The following DGKQ variants were observed in gnomAD, a reference collection of about 807,000 sequenced individuals.
The protein encoded by DGKQ is DAG kinase theta.
Under a neutral mutation model 104.2 loss-of-function variants are expected in DGKQ, and 97 were observed. The ratio of observed to expected loss-of-function variants is 0.93; its 90% confidence interval spans 0.79 to 1.10. The LOEUF (loss-of-function observed/expected upper bound fraction) is 1.10. DGKQ is among the 50% of genes least tolerant of loss of function. DGKQ has a pLI of 0.00. For missense variants in DGKQ, 1,465 were observed against 1,352.1 expected (o/e 1.08, Z -1.31); for synonymous variants, 736 against 595.2 (o/e 1.24, Z -3.44).
chr4:963,003 C>G (rs1712006187), intron 16 of DGKQ, 83 bp from the exon 17 acceptor site: 1 of 1,526,138 alleles, frequency 6.6e-7, no homozygotes. Context: ...AGTGCCCGTC[C>G]TGGCCGTGTG....
chr4:968,967 C>A, intron 2 of DGKQ, 57 bp from the exon 3 acceptor site: 1 of 1,141,210 alleles, frequency 8.8e-7, no homozygotes, highest in Non-Finnish European at 1.2e-6. Context: ...TGCCCGCCAC[C>A]CCTCCTCGCT....
rs1301828632 is a variant in DGKQ at position 960,039 on chromosome 4, C to T, written c.*581G>A. 1 of 153,314 alleles carries T rather than the reference C, an allele frequency of 6.5e-6. No individual in the cohort carries two copies. The allele number at this position is 153,314 out of a possible 1,614,324, so 9.5% of individuals were successfully genotyped here. ...AACAAGGGAAGGCACCTTCTCCCTT[C>T]CCTGAACACAAGGAAGTCACCAGTC... On this transcript the variant is annotated 3_prime_UTR_variant, in exon 23 of 23. Transcript: ENST00000273814.
rs2153009340 is a variant in DGKQ at position 965,985 on chromosome 4, G to A, written c.1522C>T (p.Pro508Ser). ...CTGTACTCCTCGGGAGACAGGCCGG[G>A]AGGCAGGCCGCCAACAAACAGGGAG... ...HVSLFVGGLP[P>S]GLSPEEYSSL... is the part of the protein sequence containing the mutation. The change falls in exon 13 of 23, where the codon CCC becomes TCC. Residue 508 changes from proline to serine, a missense_variant. Transcript: ENST00000273814. The A allele has an allele frequency of 6.2e-7, 1 of 1,605,396 alleles. No individual in the cohort carries two copies. The highest frequency in any genetic ancestry group is 2.2e-5 in the East Asian group (1 of 44,606).
chr4:968,323 C>CA lies in DGKQ; in HGVS notation c.621dup (p.Asp208Ter). The stretch of plus-strand genomic sequence containing the variant: ...TCGCAGCGCACGCCGGCCAGCACGT[C>CA]AGAGGAGCCGCACGTCTTCCTGCAG... On this transcript the variant is annotated frameshift_variant, in exon 5 of 23. Coordinates refer to ENST00000273814, the MANE Select transcript of DGKQ (RefSeq NM_001347.4). LOFTEE classifies it high-confidence loss of function. 6.5e-7 allele frequency: 1 copy of CA among 1,534,006 alleles called. No homozygotes were observed. Among genetic ancestry groups the CA allele is most frequent in the Non-Finnish European group, 8.7e-7 (1 of 1,144,278 alleles).
intron 19 of DGKQ, 45 bp from the exon 20 acceptor site, chr4:961,879 C>T: frequency 6.3e-7 from 1 of 1,596,568 alleles, no homozygotes; most frequent in Non-Finnish European, 8.5e-7. Flanking sequence ...AAGCCCTACC[C>T]CGCCTTAGGC....
Position 966,030 on chromosome 4 carries a change from T to C in DGKQ, c.1477A>G (p.Arg493Gly), listed in dbSNP as rs759161361. The change falls in exon 13 of 23, where the codon AGG becomes GGG. Residue 493 changes from arginine (R) to glycine (G), a missense_variant. Arg to Gly is a moderately radical substitution (Grantham distance 125, BLOSUM62 -2). Transcript: ENST00000273814. ...SQTRFYVAESRDVAPHVSLFV... is the reference protein window; with the variant it reads ...SQTRFYVAESGDVAPHVSLFV... ...AGGGAGACGTGCGGGGCTACATCCC[T>C]GCTCTCTGCCACGTAGAACCGCGTC... The C allele has an allele frequency of 4.4e-6, 7 of 1,604,664 alleles. No individual in the cohort carries two copies. Among genetic ancestry groups the C allele is most frequent in the African/African-American group, 2.7e-5 (2 of 74,872 alleles).
In DGKQ at chr4:966,471, G is replaced by T. The variant is rs746686910; in HGVS notation, c.1423C>A (p.Arg475=). Residue 475 remains arginine (R), a synonymous_variant, in exon 12 of 23, where the codon CGG becomes AGG. Transcript: ENST00000273814. ...CGGCGTCCACACCCACTCACCTGCC[G>T]GATGTCCTGTAGCCGGTCCAGCAGG... ...QPLLDRLQDI[R]QMSVRQVSQT... is the part of the protein sequence containing the mutation. The T allele has an allele frequency of 1.9e-6, 3 of 1,612,380 alleles. No homozygotes were observed. Among genetic ancestry groups the T allele is most frequent in the Middle Eastern group, 3.3e-4 (2 of 6,048 alleles).
In DGKQ at chr4:973,510, T is replaced by G; in HGVS notation, c.-28A>C. The stretch of plus-strand genomic sequence containing the variant: ...CCGGCCCGAGCGGCCCGAGCCCCTT[T>G]AGGTCCGCGCCGGGGGTACAGGAGC... On this transcript the variant is annotated 5_prime_UTR_variant, in exon 1 of 23. Transcript: ENST00000273814. The G allele has an allele frequency of 1.0e-6, 1 of 985,852 alleles. No individual in the cohort carries two copies. Among genetic ancestry groups the G allele is most frequent in the Non-Finnish European group, 1.2e-6 (1 of 830,616 alleles). 61.1% of individuals were successfully genotyped at this position (985,852 alleles called of 1,614,324 possible).
rs973933278 is a variant in DGKQ at position 967,767 on chromosome 4, C to T, written c.847G>A (p.Val283Met). The change falls in exon 7 of 23, where the codon GTG becomes ATG. Residue 283 changes from valine (V) to methionine (M), a missense_variant. Transcript: ENST00000273814. The stretch of plus-strand genomic sequence containing the variant: ...GCCTGTGTCTCTCTGCCTGGACCCA[C>T]GGCAGCGCTCCCGTCGGCGCCGTCG... ...GGDGADGSAA[V>M]GPGRETQATP... 3.1e-6 allele frequency: 5 copies of T among 1,608,522 alleles called. No individual in the cohort carries two copies. Among genetic ancestry groups the T allele is most frequent in the East Asian group, 4.5e-5 (2 of 44,680 alleles).
In DGKQ at chr4:961,060, C is replaced by T. The variant is rs1347988618; in HGVS notation, c.2716G>A (p.Ala906Thr). The part of the protein sequence containing the change: ...QAPGHMIISA[A>T]GPKVHMLRKA... Reference sequence around the variant, plus strand: ...CTCACCCCACATACCTTAGGGCCAGCAGCTGAGATGATCATGTGCCCCGGG... The same window carrying T: ...CTCACCCCACATACCTTAGGGCCAGTAGCTGAGATGATCATGTGCCCCGGG... Residue 906 changes from alanine (A) to threonine (T), a missense_variant, in exon 22 of 23, where the codon GCT (alanine) becomes ACT (threonine). Ala to Thr is a moderately conservative substitution (Grantham distance 58, BLOSUM62 0). Transcript: ENST00000273814. 4 of 1,612,164 alleles carry T rather than the reference C, an allele frequency of 2.5e-6. No homozygotes were observed. The African/African-American group carries it at 5.3e-5, about 22-fold the overall frequency.
At chr4:968,162 C>A in intron 5 of DGKQ, 120 bp downstream of exon 5, 1 of 763,932 alleles carries the variant, frequency 1.3e-6, no homozygotes, top group Non-Finnish European at 1.9e-6. Flanking sequence ...CGCCCCCGAG[C>A]ACCCACCTGG....
chr4:972,596 G>T (rs934049148), intron 1 of DGKQ, among the ~76,000 whole-genome samples: 1 of 151,040 alleles, frequency 6.6e-6, no homozygotes, highest in Admixed American at 6.6e-5. Flanking sequence ...TCCCTCCAGA[G>T]GCTGGGCTGT....
intron 15 of DGKQ, 141 bp from the exon 16 acceptor site, chr4:963,431 C>A: frequency 1.4e-6 from 1 of 713,640 alleles, no homozygotes; most frequent in Non-Finnish European, 2.3e-6. Context: ...GTGGCCAGCA[C>A]CCTCACATCT....
In DGKQ at chr4:973,403, G is replaced by T. The variant is rs17855876; in HGVS notation, c.80C>A (p.Pro27His). Residue 27 changes from proline (P) to histidine (H), a missense_variant, in exon 1 of 23, where the codon CCC becomes CAC. Pro to His is a moderately conservative substitution (Grantham distance 77, BLOSUM62 -2). Transcript: ENST00000273814. ...CGCGCGGCCTCCTGAGCCCAGCACGGGGCTGCAGGCCGGGCTGCCGGGGCG... is the reference window on the plus strand; with the variant it reads ...CGCGCGGCCTCCTGAGCCCAGCACGTGGCTGCAGGCCGGGCTGCCGGGGCG... ...SPRPGSPACS[P>H]VLGSGGRARP... is the part of the protein sequence containing the mutation. The T allele has an allele frequency of 9.8e-7, 1 of 1,024,930 alleles. No homozygotes were observed. Among genetic ancestry groups the T allele is most frequent in the Non-Finnish European group, 1.2e-6 (1 of 857,226 alleles). The allele number at this position is 1,024,930 out of a possible 1,614,324, so 63.5% of individuals were successfully genotyped here.
Position 960,590 on chromosome 4 carries a change from G to A in DGKQ, c.*30C>T, listed in dbSNP as rs367632247. On this transcript the variant is annotated 3_prime_UTR_variant, in exon 23 of 23. Coordinates refer to ENST00000273814, the MANE Select transcript of DGKQ (RefSeq NM_001347.4). ...AACAAGGCTGGCGGGAGCAGAGATG[G>A]CTCGAGCCCTTGGGCTGCCCCAGCC... 228 of 1,591,458 alleles carry A rather than the reference G, an allele frequency of 1.4e-4. No individual in the cohort carries two copies. Among genetic ancestry groups the A allele is most frequent in the Non-Finnish European group, 1.8e-4 (208 of 1,163,936 alleles).
Position 959,805 on chromosome 4 carries a change from C to G in DGKQ, c.*815G>C, listed in dbSNP as rs574024560. On this transcript the variant is annotated 3_prime_UTR_variant, in exon 23 of 23. Transcript: ENST00000273814. ...CCCTTCTGGGTGCTAAGTGCCCCACCCTGAGGGCCGAGGGGCAGACACTCG... is the reference window on the plus strand; with the variant it reads ...CCCTTCTGGGTGCTAAGTGCCCCACGCTGAGGGCCGAGGGGCAGACACTCG... The G allele has an allele frequency of 6.6e-6, 1 of 152,366 alleles. No individual in the cohort carries two copies. Among genetic ancestry groups the G allele is most frequent in the East Asian group, 1.9e-4 (1 of 5,166 alleles). 9.4% of individuals were successfully genotyped at this position (152,366 alleles called of 1,614,324 possible).
intron 13 of DGKQ, 109 bp from the exon 14 acceptor site, chr4:965,638 GC>G (rs1712251341): frequency 7.8e-7 from 1 of 1,283,214 alleles, no homozygotes; most frequent in African/African-American, 1.5e-5. Context: ...CCCAAAGGCA[GC>G]CTCCCCAGGA....
In DGKQ at chr4:971,146, C is replaced by T. The variant is rs914559079; in HGVS notation, c.272-74G>A. 4.2e-6 allele frequency: 5 copies of T among 1,176,734 alleles called. No individual in the cohort carries two copies. The highest frequency in any genetic ancestry group is 1.9e-4 in the Middle Eastern group (1 of 5,238). The allele number at this position is 1,176,734 out of a possible 1,614,324, so 72.9% of individuals were successfully genotyped here. A position where few individuals can be genotyped will look rare whatever the true frequency, so the allele number is the denominator to read the frequency against. ...TGTCCTACCCAGGAAGTTAGAGGCC[C>T]CAGGGCAATGACTGCCATACCCACC... is the stretch of plus-strand genomic sequence containing the variant. On this transcript the variant is annotated intron_variant, in intron 1 of 22. Transcript: ENST00000273814. The surrounding 1 kb of genome is among the most constrained non-coding windows in gnomAD (Gnocchi z 4.0).
intron 2 of DGKQ, among the ~76,000 whole-genome samples, chr4:969,612 C>CTTTTTTTTTTTTTT (rs35245784): frequency 7.0e-6 from 1 of 143,282 alleles, no homozygotes; most frequent in Non-Finnish European, 1.5e-5. Context: ...AATATATCTC[C>CTTTTTTTTTTTTTT]TTTTTTTTTT....
Sources: allele counts gnomAD v4.1 joint callset (sites outside exome capture counted in the v4.1 genomes callset), GRCh38; gene constraint gnomAD v4.1.1; non-coding constraint Gnocchi (gnomAD v3.1); transcripts MANE v1.5; gene names NCBI Gene and HGNC (gene_info 2026-07-23, HGNC 2026-07-21).